SNAP91: variants seen among roughly 807,000 people sequenced by gnomAD.
SNAP91 encodes the protein synaptosome associated protein 91, also known as clathrin coat assembly protein AP180.
Under a neutral mutation model 100.3 loss-of-function variants are expected in SNAP91, and 27 were observed. The ratio of observed to expected loss-of-function variants is 0.27; its 90% CI spans 0.20 to 0.37. The LOEUF is 0.37. SNAP91 is among the 10% of genes least tolerant of loss of function. The pLI is 1.00. For synonymous variants in SNAP91, 404 were observed against 398.6 expected (o/e 1.01, Z -0.16); for missense variants, 986 against 1,123.7 (o/e 0.88, Z 1.75).
At chr6:83,637,459 G>A (rs2097506634) in intron 8 of SNAP91, among the ~76,000 whole-genome samples, 1 of 152,196 alleles carries the variant, frequency 6.6e-6, no homozygotes, top group Non-Finnish European at 1.5e-5. Context: ...ATACGCAAGT[G>A]GAAAAGTGCC....
chr6:83,638,965 C>G (rs2097567433), intron 8 of SNAP91, among the ~76,000 whole-genome samples: 1 of 152,146 alleles, frequency 6.6e-6, no homozygotes, highest in African/African-American at 2.4e-5. Flanking sequence ...CCAAGTTTTA[C>G]TTGTCTGCCA....
chr6:83,597,503 C>A (rs981630895), intron 16 of SNAP91, among the ~76,000 whole-genome samples: 1 of 152,116 alleles, frequency 6.6e-6, no homozygotes, highest in Admixed American at 6.5e-5. Context: ...GTCAGTTTTT[C>A]AACCAGCTCT....
At chr6:83,708,481 G>C (rs929425331) in intron 1 of SNAP91, 2 of 152,894 alleles carry the variant, frequency 1.3e-5, no homozygotes, top group African/African-American at 4.8e-5. Flanking sequence ...TCCTCCCTCA[G>C]TCGCGAAGGA....
intron 8 of SNAP91, among the ~76,000 whole-genome samples, chr6:83,639,689 G>T (rs926875919): frequency 6.6e-6 from 1 of 152,058 alleles, no homozygotes; most frequent in Non-Finnish European, 1.5e-5. Flanking sequence ...GGAATCATGA[G>T]CCCAGCCTTG....
intron 2 of SNAP91, among the ~76,000 whole-genome samples, chr6:83,692,938 G>A (rs1056761273): frequency 2.0e-5 from 3 of 152,056 alleles, no homozygotes; most frequent in Non-Finnish European, 2.9e-5. Flanking sequence ...GTCATGTGGT[G>A]TGTTTTTGTT....
chr6:83,655,144 A>G (rs992126004), intron 7 of SNAP91, among the ~76,000 whole-genome samples: 1 of 152,206 alleles, frequency 6.6e-6, no homozygotes, highest in Admixed American at 6.5e-5. Context: ...TTCAGAGACC[A>G]GTCACCTCAA....
chr6:83,587,288 G>C (rs372484178), intron 22 of SNAP91, among the ~76,000 whole-genome samples: 13 of 152,104 alleles, frequency 8.5e-5, no homozygotes, highest in Non-Finnish European at 1.6e-4. Context: ...TGGGGTAAGA[G>C]TCCTTAGTCC....
intron 2 of SNAP91, among the ~76,000 whole-genome samples, chr6:83,671,920 T>C (rs2098793017): frequency 6.6e-6 from 1 of 152,070 alleles, no homozygotes; most frequent in Admixed American, 6.6e-5. Context: ...CTGAGTCATC[T>C]CCAGCACAAC....
chr6:83,598,759 T>C (rs2094813060), intron 16 of SNAP91, among the ~76,000 whole-genome samples: 1 of 152,170 alleles, frequency 6.6e-6, no homozygotes, highest in African/African-American at 2.4e-5. Context: ...CTTAGGTTTT[T>C]ATTAAAAATT....
rs923947174 is a variant in SNAP91 at position 83,617,085 on chromosome 6, A to G, written c.808-46T>C. 5.5e-6 allele frequency: 7 copies of G among 1,276,838 alleles called. No homozygotes were observed. The African/African-American group carries it at 6.0e-5, about 11-fold the overall frequency. The allele number at this position is 1,276,838 out of a possible 1,614,324, so 79.1% of individuals were successfully genotyped here. On this transcript the variant is annotated intron_variant, in intron 9 of 29. Transcript: ENST00000369694. ...TAAATGTCTGCATTGTTTACTTTCA[A>G]TGTAAACACACTGTAATGTCACTGT... is the stretch of plus-strand genomic sequence containing the variant.
intron 26 of SNAP91, among the ~76,000 whole-genome samples, chr6:83,573,605 T>G (rs1180292012): frequency 6.6e-6 from 1 of 152,056 alleles, no homozygotes; most frequent in African/African-American, 2.4e-5. Context: ...AAAACAGAGA[T>G]ATAGACCAAT....
chr6:83,678,934 A>G, intron 2 of SNAP91: 2 of 1,075,180 alleles, frequency 1.9e-6, no homozygotes, highest in Non-Finnish European at 1.2e-6. Flanking sequence ...GAAAGAAATA[A>G]TATCTAAGTG....
At chr6:83,627,346 AGGATGACACT>A (rs1206019166) in intron 8 of SNAP91, among the ~76,000 whole-genome samples, 1 of 152,050 alleles carries the variant, frequency 6.6e-6, no homozygotes, top group African/African-American at 2.4e-5. Flanking sequence ...TTTTAGTATC[AGGATGACACT>A]GGTTTCACAG....
chr6:83,579,775 G>A (rs941274764), intron 24 of SNAP91, among the ~76,000 whole-genome samples: 14 of 152,036 alleles, frequency 9.2e-5, no homozygotes, highest in African/African-American at 2.7e-4. Context: ...AGATCATCAC[G>A]TAGTTTACCC....
At chr6:83,703,761 T>C (rs1273675293) in intron 2 of SNAP91, among the ~76,000 whole-genome samples, 3 of 152,232 alleles carry the variant, frequency 2.0e-5, no homozygotes, top group African/African-American at 7.2e-5. Flanking sequence ...ATAAGCTCAT[T>C]ACTAAATAGC....
chr6:83,558,606 G>A (rs1782412510), intron 28 of SNAP91, among the ~76,000 whole-genome samples: 1 of 152,236 alleles, frequency 6.6e-6, no homozygotes. Context: ...AATGGATTTA[G>A]AGATGCATCA....
intron 9 of SNAP91, 71 bp from the exon 10 acceptor site, chr6:83,617,110 T>C: frequency 2.0e-6 from 2 of 1,013,416 alleles, no homozygotes; most frequent in Admixed American, 5.0e-5. Context: ...AATGTCACTG[T>C]AACTGTATGG....
chr6:83,698,148 C>T (rs1013643137), intron 2 of SNAP91, among the ~76,000 whole-genome samples: 10 of 151,860 alleles, frequency 6.6e-5, no homozygotes, highest in African/African-American at 2.4e-4. Context: ...CAGCAATGAA[C>T]TGTGGGGTAT....
In SNAP91 at chr6:83,563,460, T is replaced by C. The variant is rs568110461; in HGVS notation, c.2443-2513A>G. 7.2e-5 allele frequency among the ~76,000 whole-genome samples: 11 copies of C among 152,248 alleles called. 1 individual carries two copies. In the South Asian group the frequency reaches 2.3e-3, roughly 32 times the overall value. On this transcript the variant is annotated intron_variant, in intron 26 of 29. Coordinates refer to ENST00000369694, the MANE Select transcript of SNAP91 (RefSeq NM_001242792.2). ...TGAAAAAAAATGACTGAAAACTTTC[T>C]ACCTAAAAACAAGACAAGGAGGTTA... is the stretch of plus-strand genomic sequence containing the variant.
Sources: gnomAD v4.1 joint callset for allele counts (sites outside exome capture counted in the v4.1 genomes callset) on GRCh38, gnomAD v4.1.1 for gene constraint, MANE v1.5 for transcripts, NCBI Gene and HGNC (gene_info 2026-07-23, HGNC 2026-07-21) for gene names.